The following IQCM variants were observed in gnomAD, a reference collection of about 807,000 sequenced individuals.
IQCM encodes the protein IQ domain-containing protein M.
A neutral mutation model predicts 57.6 loss-of-function variants in IQCM; 45 were observed. The observed-to-expected ratio is 0.78, with a 90% CI of 0.62 to 1.00. IQCM has a LOEUF of 1.00. IQCM is among the 50% of genes least tolerant of loss of function. The pLI, the probability that IQCM is intolerant of heterozygous loss-of-function variation, is 0.00. For missense variants in IQCM, 468 were observed against 511.6 expected (o/e 0.91, Z 0.82); for synonymous variants, 148 against 158.9 (o/e 0.93, Z 0.51).
At chr4:149,646,794 G>A (rs1758673931) in intron 7 of IQCM, among the ~76,000 whole-genome samples, 1 of 152,060 alleles carries the variant, frequency 6.6e-6, no homozygotes, top group Non-Finnish European at 1.5e-5. Context: ...GACCAGTTTG[G>A]CCAACATGGT....
intron 2 of IQCM, among the ~76,000 whole-genome samples, chr4:149,785,918 G>C (rs1463503247): frequency 6.6e-6 from 1 of 151,764 alleles, no homozygotes; most frequent in Non-Finnish European, 1.5e-5. Flanking sequence ...GGCTTACAAT[G>C]ATGTAACACT....
At position 149,733,792 on chromosome 4, in the gene IQCM, C is replaced by A. The variant is rs1482957545; in HGVS notation, c.121-284G>T. Among the ~76,000 whole-genome samples the A allele has an allele frequency of 3.9e-5, 6 of 152,148 alleles. No individual in the cohort carries two copies. In the South Asian group the frequency reaches 8.3e-4, roughly 21 times the overall value. On this transcript the variant is annotated intron_variant, in intron 4 of 13. Transcript: ENST00000636793. Reference sequence around the variant, plus strand: ...AATTTTAAAATAGCAACTTTCTCCCCAAAGTGATATTTTTAATTACAGGTT... The same window carrying A: ...AATTTTAAAATAGCAACTTTCTCCCAAAAGTGATATTTTTAATTACAGGTT...
chr4:149,665,150 G>T (rs1439294751), intron 7 of IQCM, among the ~76,000 whole-genome samples: 1 of 152,156 alleles, frequency 6.6e-6, no homozygotes, highest in Admixed American at 6.5e-5. Flanking sequence ...ACACACTCTG[G>T]TAGTAGGTCC....
chr4:149,768,491 C>T (rs1306475673), intron 2 of IQCM, among the ~76,000 whole-genome samples: 2 of 152,072 alleles, frequency 1.3e-5, no homozygotes, highest in African/African-American at 4.8e-5. Context: ...AATATTATTA[C>T]ATTGCTTTAA....
At chr4:149,467,753 C>T (rs1739015115) in intron 12 of IQCM, among the ~76,000 whole-genome samples, 3 of 152,100 alleles carry the variant, frequency 2.0e-5, no homozygotes. Context: ...TAGAGCAATG[C>T]AGCTAACTGG....
intron 2 of IQCM, among the ~76,000 whole-genome samples, chr4:149,807,571 A>C (rs1046350026): frequency 6.6e-6 from 1 of 152,088 alleles, no homozygotes; most frequent in African/African-American, 2.4e-5. Flanking sequence ...TCACAGCAAA[A>C]ATAGACAAAA....
intron 5 of IQCM, among the ~76,000 whole-genome samples, chr4:149,697,556 C>T (rs1349738662): frequency 6.6e-6 from 1 of 151,856 alleles, no homozygotes; most frequent in Admixed American, 6.6e-5. Flanking sequence ...CTTTTTTGCC[C>T]CCTGCAGAAC....
At chr4:149,625,337 A>C (rs899565743) in intron 7 of IQCM, among the ~76,000 whole-genome samples, 1 of 152,246 alleles carries the variant, frequency 6.6e-6, no homozygotes, top group East Asian at 1.9e-4. Flanking sequence ...GGATTCAATG[A>C]AAACAAAGAT....
rs532860891 is a variant in IQCM at position 149,751,667 on chromosome 4, C to A, written c.-48-8928G>T. On this transcript the variant is annotated intron_variant, in intron 2 of 13. Transcript: ENST00000636793. ...ATGTCTAAAAACATTTATGACAGGT[C>A]TACACCTGGTCCACTCAGTAAGTAC... Among the ~76,000 whole-genome samples, 4 of 152,324 alleles carry A rather than the reference C, an allele frequency of 2.6e-5. No homozygotes were observed. In the South Asian group the frequency reaches 8.3e-4, roughly 32 times the overall value.
At chr4:149,636,584 A>G (rs1757733905) in intron 7 of IQCM, among the ~76,000 whole-genome samples, 2 of 152,054 alleles carry the variant, frequency 1.3e-5, no homozygotes, top group African/African-American at 4.8e-5. Flanking sequence ...CACATGCCCC[A>G]CCTCTACACT....
intron 12 of IQCM, among the ~76,000 whole-genome samples, chr4:149,498,676 G>A (rs1450261029): frequency 6.6e-6 from 1 of 152,134 alleles, no homozygotes; most frequent in Non-Finnish European, 1.5e-5. Context: ...GTGATTGGAA[G>A]ACAGTCAGGT....
At chr4:149,626,704 C>T (rs1756845072) in intron 7 of IQCM, among the ~76,000 whole-genome samples, 1 of 151,962 alleles carries the variant, frequency 6.6e-6, no homozygotes, top group African/African-American at 2.4e-5. Context: ...TGTGAGGCAG[C>T]CCCTTTACAA....
chr4:149,603,238 A>G (rs951812812), intron 8 of IQCM, among the ~76,000 whole-genome samples: 4 of 152,162 alleles, frequency 2.6e-5, no homozygotes, highest in East Asian at 1.9e-4. Flanking sequence ...TCTTCAAAAT[A>G]TAAGTATTGA....
intron 5 of IQCM, among the ~76,000 whole-genome samples, chr4:149,732,060 T>C (rs564545609): frequency 6.6e-6 from 1 of 152,244 alleles, no homozygotes; most frequent in South Asian, 2.1e-4. Context: ...GTCATCACTC[T>C]CTCTACAGTT....
At chr4:149,503,236 A>T (rs1480017888) in intron 12 of IQCM, among the ~76,000 whole-genome samples, 1 of 152,172 alleles carries the variant, frequency 6.6e-6, no homozygotes, top group African/African-American at 2.4e-5. Context: ...ATAAAATTAA[A>T]TACAATAATA....
intron 13 of IQCM, 119 bp from the exon 14 acceptor site, chr4:149,352,185 A>C (rs957696040): frequency 1.0e-5 from 4 of 393,724 alleles, no homozygotes; most frequent in Non-Finnish European, 1.8e-5. Context: ...TAGAACATGC[A>C]AAAGACTGGA....
Position 149,552,424 on chromosome 4 carries a change from C to T in IQCM, c.1093+719G>A, listed in dbSNP as rs541664718. On this transcript the variant is annotated intron_variant, in intron 11 of 13. Transcript: ENST00000636793. ...TTGTGTCATTTTTTTAGTCAAGAAA[C>T]TGGCTCTAATAATCTATCCTAATCC... 7.9e-5 allele frequency among the ~76,000 whole-genome samples: 12 copies of T among 152,164 alleles called. No individual in the cohort carries two copies. In the East Asian group the frequency reaches 2.3e-3, roughly 29 times the overall value.
intron 12 of IQCM, among the ~76,000 whole-genome samples, chr4:149,471,479 G>T (rs953916428): frequency 6.6e-6 from 1 of 152,070 alleles, no homozygotes; most frequent in Non-Finnish European, 1.5e-5. Flanking sequence ...ATAATTAATA[G>T]CCTAGCAACT....
intron 10 of IQCM, among the ~76,000 whole-genome samples, chr4:149,556,161 C>T (rs1408314361): frequency 6.6e-6 from 1 of 152,038 alleles, no homozygotes; most frequent in Non-Finnish European, 1.5e-5. Context: ...AGCAATATTG[C>T]AATATAAAGT....
Sources: allele counts gnomAD v4.1 joint callset (sites outside exome capture counted in the v4.1 genomes callset), GRCh38; gene constraint gnomAD v4.1.1; transcripts MANE v1.5; gene names NCBI Gene and HGNC (gene_info 2026-07-23, HGNC 2026-07-21).